Variants in TTC7B observed in about 807,000 individuals in gnomAD.
TTC7B encodes tetratricopeptide repeat domain 7B, also known as tetratricopeptide repeat protein 7B.
Under a neutral mutation model 106.8 loss-of-function variants are expected in TTC7B, and 28 were observed. The observed-to-expected ratio is 0.26, with a 90% CI of 0.19 to 0.36. The LOEUF (loss-of-function observed/expected upper bound fraction) is 0.36. Among genes scored for constraint, TTC7B ranks in the 10% least tolerant of loss-of-function variants. The pLI is 1.00. For missense variants in TTC7B, 862 were observed against 1,076.4 expected (o/e 0.80, Z 2.79); for synonymous variants, 405 against 430.6 (o/e 0.94, Z 0.74).
intron 9 of TTC7B, among the ~76,000 whole-genome samples, chr14:90,664,562 T>C (rs1459074655): frequency 2.6e-5 from 4 of 152,188 alleles, no homozygotes; most frequent in Admixed American, 2.6e-4. Flanking sequence ...TGGGCCACCA[T>C]ACCCAGCTGC....
chr14:90,576,746 T>A (rs1409697325), intron 19 of TTC7B, among the ~76,000 whole-genome samples: 1 of 152,206 alleles, frequency 6.6e-6, no homozygotes, highest in Non-Finnish European at 1.5e-5. Context: ...TAATTCCCAG[T>A]GCATCAGCAT....
intron 16 of TTC7B, among the ~76,000 whole-genome samples, chr14:90,617,101 C>T (rs528068007): frequency 1.1e-3 from 167 of 152,278 alleles, no homozygotes; most frequent in African/African-American, 3.9e-3. Flanking sequence ...AGACCTTCCC[C>T]GGGTTATCTG....
chr14:90,651,509 G>T (rs1047978642), intron 13 of TTC7B, among the ~76,000 whole-genome samples: 4 of 152,210 alleles, frequency 2.6e-5, no homozygotes, highest in African/African-American at 4.8e-5. Flanking sequence ...AGTAAGATGT[G>T]CTGATTTAAG....
In TTC7B at chr14:90,624,055, C is replaced by A. The variant is rs1231102720; in HGVS notation, c.1752-6010G>T. On this transcript the variant is annotated intron_variant, in intron 15 of 19. Transcript: ENST00000328459. The surrounding 1 kb of genome is among the most constrained non-coding windows in gnomAD (Gnocchi z 4.0). Reference sequence around the variant, plus strand: ...AACAAAAACAAAACAAAACAAAACCCATGAGTGTGCCTGTATGCATATGCG... The same window carrying A: ...AACAAAAACAAAACAAAACAAAACCAATGAGTGTGCCTGTATGCATATGCG... 1.3e-5 allele frequency among the ~76,000 whole-genome samples: 2 copies of A among 152,074 alleles called. No homozygotes were observed. Among genetic ancestry groups the A allele is most frequent in the African/African-American group, 2.4e-5 (1 of 41,436 alleles).
intron 5 of TTC7B, among the ~76,000 whole-genome samples, chr14:90,696,859 T>C (rs545101840): frequency 1.6e-4 from 24 of 152,302 alleles, no homozygotes; most frequent in African/African-American, 5.8e-4. Flanking sequence ...GAATAAAGAT[T>C]AGGTAACAGG....
chr14:90,795,228 CA>C (rs58849415), intron 1 of TTC7B, among the ~76,000 whole-genome samples: 6,474 of 148,536 alleles, frequency 0.044, 191 homozygotes, highest in Non-Finnish European at 0.059. Context: ...AAAAACAAGA[CA>C]AAAAAAAAAT....
Position 90,676,652 on chromosome 14 carries a change from C to T in TTC7B, c.1023G>A (p.Arg341=), listed in dbSNP as rs144727064. 1.6e-4 allele frequency: 251 copies of T among 1,613,768 alleles called. 1 individual carries two copies. In the African/African-American group the frequency reaches 3.1e-3, roughly 20 times the overall value. Residue 341 remains arginine, a synonymous_variant, in exon 9 of 20, where the codon CGG becomes CGA. Transcript: ENST00000328459. The part of the protein sequence containing the change: ...LLLISESMAN[R]DAVLSRIPEH... ...CAGGTATCCTGCTCAGCACAGCGTC[C>T]CGGTTGGCCTGAAAAAACATGGAAT...
chr14:90,762,919 T>G (rs768072766), intron 3 of TTC7B, among the ~76,000 whole-genome samples: 1 of 152,266 alleles, frequency 6.6e-6, no homozygotes, highest in Non-Finnish European at 1.5e-5. Flanking sequence ...AAACAATGTC[T>G]ACAAAGAAAA....
intron 1 of TTC7B, among the ~76,000 whole-genome samples, chr14:90,791,284 T>A (rs1002376964): frequency 5.9e-5 from 9 of 152,076 alleles, no homozygotes; most frequent in African/African-American, 2.2e-4. Flanking sequence ...TGTTCATCAG[T>A]CTGTCTGCCC....
chr14:90,670,208 C>T (rs887400700), intron 9 of TTC7B, among the ~76,000 whole-genome samples: 5 of 152,162 alleles, frequency 3.3e-5, no homozygotes, highest in African/African-American at 1.2e-4. Flanking sequence ...TATAACATGG[C>T]TGAATCTTGA....
intron 17 of TTC7B, among the ~76,000 whole-genome samples, chr14:90,607,113 G>A (rs1020519472): frequency 5.9e-5 from 9 of 152,116 alleles, no homozygotes; most frequent in East Asian, 1.9e-4. Flanking sequence ...GGTGGGTAAC[G>A]GGAATATTAG....
intron 9 of TTC7B, chr14:90,675,781 G>A (rs951309783): frequency 6.9e-6 from 1 of 144,988 alleles, no homozygotes. Flanking sequence ...AAATAACATG[G>A]AAAAGTTCCT....
chr14:90,667,373 G>C (rs1886452840), intron 9 of TTC7B, among the ~76,000 whole-genome samples: 1 of 152,190 alleles, frequency 6.6e-6, no homozygotes, highest in East Asian at 1.9e-4. Flanking sequence ...GGGTCGCTGA[G>C]CTATGGCCTG....
chr14:90,727,901 C>A (rs1318292634), intron 5 of TTC7B, among the ~76,000 whole-genome samples: 1 of 152,128 alleles, frequency 6.6e-6, no homozygotes, highest in Admixed American at 6.5e-5. Flanking sequence ...TGGGAAGCTG[C>A]TGGTGCTTAG....
chr14:90,678,304 G>T (rs1886919929), intron 8 of TTC7B, among the ~76,000 whole-genome samples: 1 of 152,150 alleles, frequency 6.6e-6, no homozygotes, highest in Non-Finnish European at 1.5e-5. Context: ...TTAGAAAACA[G>T]CACAATTCTA....
At chr14:90,676,847 C>T (rs1035404612) in intron 8 of TTC7B, among the ~76,000 whole-genome samples, 187 bp from the exon 9 acceptor site, 7 of 152,138 alleles carry the variant, frequency 4.6e-5, no homozygotes, top group South Asian at 2.1e-4. Flanking sequence ...ACATGATATA[C>T]GGGATGATCC....
chr14:90,791,243 G>C (rs1027774433), intron 1 of TTC7B, among the ~76,000 whole-genome samples: 1 of 152,008 alleles, frequency 6.6e-6, no homozygotes, highest in Non-Finnish European at 1.5e-5. Flanking sequence ...AAACCACCTC[G>C]AGCAGCCCCA....
intron 17 of TTC7B, among the ~76,000 whole-genome samples, chr14:90,595,822 C>T (rs1165461327): frequency 6.6e-6 from 1 of 152,188 alleles, no homozygotes; most frequent in African/African-American, 2.4e-5. Context: ...CAAGTGATTC[C>T]AATGTGCCGC....
chr14:90,795,028 G>A (rs556492792), intron 1 of TTC7B, among the ~76,000 whole-genome samples: 9 of 152,174 alleles, frequency 5.9e-5, no homozygotes, highest in African/African-American at 1.7e-4. Flanking sequence ...ACCTAATAAC[G>A]TGTCCAGCTG....
Sources: gnomAD v4.1 joint callset for allele counts (sites outside exome capture counted in the v4.1 genomes callset) on GRCh38, gnomAD v4.1.1 for gene constraint, Gnocchi (gnomAD v3.1) non-coding constraint, MANE v1.5 for transcripts, NCBI Gene and HGNC (gene_info 2026-07-23, HGNC 2026-07-21) for gene names.